The following GRM7 variants were observed in gnomAD, a reference collection of about 807,000 sequenced individuals.
The protein encoded by GRM7 is glutamate metabotropic receptor 7.
A neutral mutation model predicts 84.5 loss-of-function variants in GRM7; 35 were observed. That is an observed-to-expected ratio of 0.41 (90% confidence interval 0.32 to 0.55). The LOEUF (loss-of-function observed/expected upper bound fraction) is 0.55, where lower values mean the gene tolerates loss of function less well. Among genes scored for constraint, GRM7 ranks in the 20% least tolerant of loss-of-function variants. The pLI, the probability that GRM7 is intolerant of heterozygous loss-of-function variation, is 0.19. For synonymous variants in GRM7, 487 were observed against 455.1 expected, an observed-to-expected ratio of 1.07 and a Z score of -0.89; for missense variants, 1,003 against 1,194.6, an observed-to-expected ratio of 0.84 and a Z score of 2.36.
chr3:7,223,256 C>T (rs768074361), intron 2 of GRM7, among the ~76,000 whole-genome samples: 4 of 151,848 alleles, frequency 2.6e-5, no homozygotes, highest in Non-Finnish European at 5.9e-5. Flanking sequence ...TTTGTTTTGT[C>T]TTATTATACA....
intron 5 of GRM7, among the ~76,000 whole-genome samples, chr3:7,417,456 T>C (rs1448510593): frequency 6.6e-6 from 1 of 152,144 alleles, no homozygotes; most frequent in African/African-American, 2.4e-5. Context: ...ATTTAAAAAA[T>C]CTTTACATGT....
At chr3:7,004,999 C>T (rs1008551411) in intron 1 of GRM7, among the ~76,000 whole-genome samples, 1 of 152,166 alleles carries the variant, frequency 6.6e-6, no homozygotes, top group Non-Finnish European at 1.5e-5. Context: ...GCACCCTCTA[C>T]AAATTGCACT....
chr3:7,662,667 T>G (rs1699519232), intron 8 of GRM7, among the ~76,000 whole-genome samples: 1 of 152,182 alleles, frequency 6.6e-6, no homozygotes, highest in African/African-American at 2.4e-5. Flanking sequence ...TGCGAAGTAT[T>G]ATAATGTACA....
chr3:7,630,652 G>A (rs1479608244), intron 8 of GRM7, among the ~76,000 whole-genome samples: 1 of 152,158 alleles, frequency 6.6e-6, no homozygotes, highest in Non-Finnish European at 1.5e-5. Context: ...TTTCCCATGA[G>A]AGCATTTAAC....
At chr3:7,272,570 GT>G (rs913979703) in intron 2 of GRM7, among the ~76,000 whole-genome samples, 27 of 152,086 alleles carry the variant, frequency 1.8e-4, no homozygotes, top group African/African-American at 6.0e-4. Flanking sequence ...TCTTGTGGGA[GT>G]TTTGGCAGAT....
intron 1 of GRM7, among the ~76,000 whole-genome samples, chr3:7,028,032 T>A (rs1696044111): frequency 6.8e-6 from 1 of 146,852 alleles, no homozygotes; most frequent in Non-Finnish European, 1.5e-5. Flanking sequence ...CTACTGCTTA[T>A]CTAACATGAT....
intron 7 of GRM7, among the ~76,000 whole-genome samples, chr3:7,517,896 C>T (rs1230588676): frequency 6.6e-6 from 1 of 152,148 alleles, no homozygotes; most frequent in Admixed American, 6.6e-5. Context: ...AACTGTTGCC[C>T]AAAGTGCATA....
chr3:6,970,077 T>C (rs920309119), intron 1 of GRM7, among the ~76,000 whole-genome samples: 1 of 152,314 alleles, frequency 6.6e-6, no homozygotes, highest in Admixed American at 6.5e-5. Flanking sequence ...AGAGGGTACA[T>C]CTTTTTTTGT....
chr3:6,971,043 C>G lies in GRM7; in HGVS notation c.519+109136C>G, dbSNP rs1056365836. On this transcript the variant is annotated intron_variant, in intron 1 of 9. Coordinates refer to ENST00000357716, the MANE Select transcript of GRM7 (RefSeq NM_000844.4). ...GAGAGAGAGATGATGGCAGCTCAGA[C>G]CACAGTGCAAACTTTAAATTTGAAA... Among the ~76,000 whole-genome samples the G allele has an allele frequency of 3.3e-5, 5 of 151,804 alleles. No individual in the cohort carries two copies. The East Asian group carries it at 9.7e-4, about 30-fold the overall frequency.
At chr3:6,917,329 A>T (rs1358154090) in intron 1 of GRM7, among the ~76,000 whole-genome samples, 2 of 151,254 alleles carry the variant, frequency 1.3e-5, no homozygotes, top group East Asian at 3.9e-4. Context: ...AGATTTACTT[A>T]AGTAAATTGT....
chr3:7,683,517 G>A (rs1341782435), intron 9 of GRM7, among the ~76,000 whole-genome samples: 1 of 152,108 alleles, frequency 6.6e-6, no homozygotes, highest in Non-Finnish European at 1.5e-5. Flanking sequence ...TAAACCATAG[G>A]AGGAGATTCA....
chr3:6,893,507 T>G (rs1380384551), intron 1 of GRM7, among the ~76,000 whole-genome samples: 1 of 152,178 alleles, frequency 6.6e-6, no homozygotes, highest in Non-Finnish European at 1.5e-5. Flanking sequence ...TTGTTTTCTT[T>G]CCTACAGACA....
At chr3:7,164,358 C>G (rs1694733737) in intron 2 of GRM7, among the ~76,000 whole-genome samples, 1 of 152,122 alleles carries the variant, frequency 6.6e-6, no homozygotes, top group Non-Finnish European at 1.5e-5. Context: ...GGCTCCCTCT[C>G]AAAAAAATTA....
intron 2 of GRM7, among the ~76,000 whole-genome samples, chr3:7,194,904 C>T (rs1467306865): frequency 6.6e-6 from 1 of 152,080 alleles, no homozygotes; most frequent in East Asian, 1.9e-4. Flanking sequence ...CTCAGGGATT[C>T]TATGATAGTC....
intron 1 of GRM7, among the ~76,000 whole-genome samples, chr3:7,129,981 A>G (rs370946810): frequency 6.6e-6 from 1 of 152,140 alleles, no homozygotes; most frequent in African/African-American, 2.4e-5. Context: ...TGGAAACATC[A>G]CTACACGACC....
intron 9 of GRM7, among the ~76,000 whole-genome samples, chr3:7,693,074 C>T (rs162778): frequency 6.6e-6 from 1 of 151,418 alleles, no homozygotes; most frequent in Non-Finnish European, 1.5e-5. Context: ...AAATACTGTA[C>T]TTCCTGTTAT....
At chr3:7,227,068 G>T (rs1380579981) in intron 2 of GRM7, among the ~76,000 whole-genome samples, 2 of 152,054 alleles carry the variant, frequency 1.3e-5, no homozygotes, top group Non-Finnish European at 2.9e-5. Flanking sequence ...GGAATACCTG[G>T]TTGTAATTTT....
At chr3:7,224,812 G>C (rs1270280908) in intron 2 of GRM7, among the ~76,000 whole-genome samples, 1 of 151,782 alleles carries the variant, frequency 6.6e-6, no homozygotes, top group Non-Finnish European at 1.5e-5. Context: ...TAGTGGGAGG[G>C]GTGCAAGGTC....
intron 7 of GRM7, among the ~76,000 whole-genome samples, chr3:7,575,378 A>C (rs1308786013): frequency 6.6e-6 from 1 of 151,982 alleles, no homozygotes; most frequent in African/African-American, 2.4e-5. Flanking sequence ...TAACTGAAAC[A>C]GTTTTGTTGC....
Sources: gnomAD v4.1 joint callset for allele counts (sites outside exome capture counted in the v4.1 genomes callset) on GRCh38, gnomAD v4.1.1 for gene constraint, MANE v1.5 for transcripts, NCBI Gene and HGNC (gene_info 2026-07-23, HGNC 2026-07-21) for gene names.